Variants in ANO6 observed in about 807,000 individuals in gnomAD.
ANO6 encodes the protein anoctamin-6.
Under a neutral mutation model 117.5 loss-of-function variants are expected in ANO6, and 106 were observed. That is an observed-to-expected ratio of 0.90 (90% confidence interval 0.77 to 1.06). The LOEUF (loss-of-function observed/expected upper bound fraction) is 1.06, where lower values mean the gene tolerates loss of function less well. Among genes scored for constraint, ANO6 ranks in the 50% least tolerant of loss-of-function variants. ANO6 has a pLI of 0.00. For missense variants in ANO6, 955 were observed against 1,121.1 expected (o/e 0.85, Z 2.12); for synonymous variants, 367 against 385.1 (o/e 0.95, Z 0.55).
At chr12:45,320,837 T>A (rs1478995390) in intron 2 of ANO6, among the ~76,000 whole-genome samples, 2 of 152,216 alleles carry the variant, frequency 1.3e-5, no homozygotes, top group East Asian at 3.9e-4. Context: ...GATAGTTAGA[T>A]CTTCTCGTTG....
chr12:45,344,823 T>C (rs1160086613), intron 3 of ANO6, among the ~76,000 whole-genome samples: 5 of 152,158 alleles, frequency 3.3e-5, no homozygotes, highest in Admixed American at 6.5e-5. Flanking sequence ...GAGTACTGCT[T>C]AGATAAGAAG....
In ANO6 at chr12:45,430,563, C is replaced by T; in HGVS notation, c.*1252C>T. 6 of 985,394 alleles carry T rather than the reference C, an allele frequency of 6.1e-6. No individual in the cohort carries two copies. The highest frequency in any genetic ancestry group is 7.2e-6 in the Non-Finnish European group (6 of 829,926). The allele number at this position is 985,394 out of a possible 1,614,324, so 61.0% of individuals were successfully genotyped here. On this transcript the variant is annotated 3_prime_UTR_variant, in exon 20 of 20. Coordinates refer to ENST00000320560, the MANE Select transcript of ANO6 (RefSeq NM_001025356.3). ...GTACTAGAGACAGGAGTATACCCAG[C>T]TTATTCATAATCAAGTAAAGAGACT...
intron 13 of ANO6, 144 bp downstream of exon 13, chr12:45,402,164 G>T (rs1942808586): frequency 2.9e-6 from 2 of 688,154 alleles, no homozygotes; most frequent in Non-Finnish European, 4.9e-6. Flanking sequence ...TCTCTAGCAT[G>T]TATGGAAATA....
At position 45,378,106 on chromosome 12, in the gene ANO6, A is replaced by G. The variant is rs769811789; in HGVS notation, c.1158A>G (p.Gly386=). ...CCCTGGTCTTTGCAGTATTTATGGG[A>G]GTATGGGGTAAGTTTTTTTTTTTTT... ...FGTLVFAVFM[G]VWVTLFLEFW... is the part of the protein sequence containing the mutation. The change falls in exon 10 of 20, where the codon GGA becomes GGG. Residue 386 remains glycine (G), a synonymous_variant. Coordinates refer to ENST00000320560, the MANE Select transcript of ANO6 (RefSeq NM_001025356.3). 6.3e-6 allele frequency: 10 copies of G among 1,582,810 alleles called. No individual in the cohort carries two copies. The African/African-American group carries it at 1.4e-4, about 22-fold the overall frequency.
At chr12:45,222,030 C>G (rs143819142) in intron 1 of ANO6, among the ~76,000 whole-genome samples, 1 of 151,674 alleles carries the variant, frequency 6.6e-6, no homozygotes, top group Non-Finnish European at 1.5e-5. Flanking sequence ...TACAGGCCCC[C>G]GCCACCACAC....
chr12:45,280,406 A>G (rs1163412137), intron 1 of ANO6, among the ~76,000 whole-genome samples: 1 of 152,206 alleles, frequency 6.6e-6, no homozygotes, highest in African/African-American at 2.4e-5. Context: ...ACCAAAGGGC[A>G]GTGCTTCACA....
rs536088300 is a variant in ANO6 at position 45,308,553 on chromosome 12, A to G, written c.150+6460A>G. 3.9e-5 allele frequency among the ~76,000 whole-genome samples: 6 copies of G among 152,218 alleles called. No individual in the cohort carries two copies. In the South Asian group the frequency reaches 8.3e-4, roughly 21 times the overall value. ...AAATGGAATGTCATTGCTGGCAGCA[A>G]TGAGAGCCTACTCAATGGTAGTGGT... On this transcript the variant is annotated intron_variant, in intron 2 of 19. Transcript: ENST00000320560.
intron 10 of ANO6, 105 bp downstream of exon 10, chr12:45,378,218 T>G: frequency 2.8e-6 from 3 of 1,072,444 alleles, no homozygotes; most frequent in Non-Finnish European, 2.8e-6. Flanking sequence ...TGCCCAGGCT[T>G]CAACTCCCCT....
chr12:45,344,358 A>G (rs1941068039), intron 3 of ANO6, among the ~76,000 whole-genome samples: 1 of 152,242 alleles, frequency 6.6e-6, no homozygotes, highest in African/African-American at 2.4e-5. Flanking sequence ...ATTGCTATAA[A>G]GAACTACCCG....
At chr12:45,440,015 A>G in exon 20 of ANO6, 1 of 1,345,464 alleles carries the variant, frequency 7.4e-7, no homozygotes, top group Non-Finnish European at 9.6e-7. Flanking sequence ...CTCAAGATAG[A>G]GTAGCATTGT....
intron 2 of ANO6, among the ~76,000 whole-genome samples, chr12:45,319,770 TATTA>T (rs1410660897): frequency 6.6e-6 from 1 of 152,254 alleles, no homozygotes; most frequent in African/African-American, 2.4e-5. Context: ...GTTGGTAAGC[TATTA>T]ATTATTGCCT....
intron 10 of ANO6, among the ~76,000 whole-genome samples, chr12:45,386,327 T>C (rs1335203607): frequency 1.3e-5 from 2 of 152,226 alleles, no homozygotes; most frequent in Non-Finnish European, 2.9e-5. Flanking sequence ...ACCTATCTAC[T>C]GGACATTTCT....
chr12:45,370,005 T>G (rs1448174001), intron 9 of ANO6, among the ~76,000 whole-genome samples: 1 of 152,202 alleles, frequency 6.6e-6, no homozygotes, highest in African/African-American at 2.4e-5. Flanking sequence ...AAAATTCTAG[T>G]TGGTTTCTCT....
At chr12:45,434,719 AAG>A (rs1458366727), downstream of ANO6, among the ~76,000 whole-genome samples, 6 of 152,342 alleles carry the variant, frequency 3.9e-5, no homozygotes, top group East Asian at 1.2e-3. Context: ...GGGTATAACT[AAG>A]AAAAAATATT....
intron 6 of ANO6, 37 bp from the exon 7 acceptor site, chr12:45,350,619 CGAT>C: frequency 6.6e-7 from 1 of 1,504,784 alleles, no homozygotes; most frequent in Non-Finnish European, 9.2e-7. Context: ...TGTGAAAACA[CGAT>C]GATTATGGTG....
At chr12:45,267,136 C>A (rs1484501809) in intron 1 of ANO6, among the ~76,000 whole-genome samples, 4 of 152,146 alleles carry the variant, frequency 2.6e-5, no homozygotes, top group Non-Finnish European at 1.5e-5. Flanking sequence ...ATACTTTAGA[C>A]TGGGTTGTTA....
chr12:45,309,846 C>T (rs1939793545), intron 2 of ANO6, among the ~76,000 whole-genome samples: 1 of 151,944 alleles, frequency 6.6e-6, no homozygotes, highest in South Asian at 2.1e-4. Context: ...GTGTCTTTGG[C>T]CTTAAGCTTG....
chr12:45,216,292 C>A lies in ANO6; in HGVS notation c.-30C>A. The A allele has an allele frequency of 6.3e-7, 1 of 1,590,846 alleles. No homozygotes were observed. The highest frequency in any genetic ancestry group is 8.6e-7 in the Non-Finnish European group (1 of 1,169,034). ...GAACCCGGGAGCCCCCAACTTCGCG[C>A]CAAGTTCGGAGCCGCCTTCTGAGGG... On this transcript the variant is annotated 5_prime_UTR_variant, in exon 1 of 20. Transcript: ENST00000320560.
chr12:45,410,013 TC>T (rs1354150793), intron 16 of ANO6, among the ~76,000 whole-genome samples: 4 of 152,150 alleles, frequency 2.6e-5, no homozygotes, highest in Non-Finnish European at 5.9e-5. Flanking sequence ...ACCTTAGCCT[TC>T]CAAAGTGCTG....
Sources: gnomAD v4.1 joint callset for allele counts (sites outside exome capture counted in the v4.1 genomes callset) on GRCh38, gnomAD v4.1.1 for gene constraint, MANE v1.5 for transcripts, NCBI Gene and HGNC (gene_info 2026-07-23, HGNC 2026-07-21) for gene names.